Variants in FHIT observed in about 807,000 individuals in gnomAD.
The protein encoded by FHIT is bis(5'-adenosyl)-triphosphatase.
A neutral mutation model predicts 17.9 loss-of-function variants in FHIT; 19 were observed. The ratio of observed to expected loss-of-function variants is 1.06; its 90% CI spans 0.74 to 1.56. The LOEUF (loss-of-function observed/expected upper bound fraction) is 1.56, where lower values mean the gene tolerates loss of function less well. Among genes scored for constraint, FHIT ranks in the 40% most tolerant of loss-of-function variants. The pLI is 0.00. For synonymous variants in FHIT, 81 were observed against 69.7 expected, an observed-to-expected ratio of 1.16 and a Z score of -0.81; for missense variants, 248 against 189.2, an observed-to-expected ratio of 1.31 and a Z score of -1.82.
chr3:61,079,164 A>G (rs751933164), intron 2 of FHIT, among the ~76,000 whole-genome samples: 17 of 152,232 alleles, frequency 1.1e-4, no homozygotes, highest in Non-Finnish European at 1.6e-4. Context: ...AGTTGTTTGC[A>G]GTCACAAAAG....
intron 5 of FHIT, among the ~76,000 whole-genome samples, chr3:60,309,823 C>T (rs9824783): frequency 0.14 from 21,331 of 152,042 alleles, 1,579 homozygotes; most frequent in African/African-American, 0.17. Context: ...CTCCAACTTC[C>T]TCTATCAGCT....
At chr3:60,678,600 C>A (rs782130528) in intron 4 of FHIT, among the ~76,000 whole-genome samples, 1 of 152,058 alleles carries the variant, frequency 6.6e-6, no homozygotes, top group Non-Finnish European at 1.5e-5. Flanking sequence ...AATTTCCAGG[C>A]CTTATCCTGA....
intron 5 of FHIT, among the ~76,000 whole-genome samples, chr3:60,087,959 TA>T (rs1397601620): frequency 1.2e-4 from 18 of 152,304 alleles, no homozygotes; most frequent in African/African-American, 4.3e-4. Context: ...GTGTAATTTA[TA>T]AATAAAAGGA....
chr3:61,203,685 C>CAATAAAG (rs1424880687), intron 1 of FHIT, among the ~76,000 whole-genome samples: 3 of 151,994 alleles, frequency 2.0e-5, no homozygotes, highest in Non-Finnish European at 4.4e-5. Flanking sequence ...TAGCATTTGC[C>CAATAAAG]AATAAAGTGA....
intron 8 of FHIT, among the ~76,000 whole-genome samples, chr3:59,869,366 T>C (rs1335677292): frequency 2.6e-5 from 4 of 152,114 alleles, no homozygotes; most frequent in Admixed American, 2.6e-4. Flanking sequence ...AGGTGATACA[T>C]TTCCCAATTT....
chr3:60,743,788 G>C (rs1182156666), intron 4 of FHIT, among the ~76,000 whole-genome samples: 7 of 152,154 alleles, frequency 4.6e-5, no homozygotes, highest in African/African-American at 1.4e-4. Context: ...ACAGGTCCAG[G>C]GGACCAGAAC....
intron 3 of FHIT, among the ~76,000 whole-genome samples, chr3:60,886,417 A>C (rs556825509): frequency 6.6e-6 from 1 of 152,366 alleles, no homozygotes; most frequent in African/African-American, 2.4e-5. Context: ...ATATGTCATT[A>C]TCATCAGAAG....
chr3:61,138,824 C>T (rs753439780), intron 2 of FHIT, among the ~76,000 whole-genome samples: 17 of 152,186 alleles, frequency 1.1e-4, no homozygotes, highest in Non-Finnish European at 2.2e-4. Flanking sequence ...AACATAGACA[C>T]AGCATCCAAT....
At chr3:59,775,836 C>G (rs1184242147) in intron 8 of FHIT, among the ~76,000 whole-genome samples, 1 of 152,144 alleles carries the variant, frequency 6.6e-6, no homozygotes, top group Non-Finnish European at 1.5e-5. Context: ...ATGGATGGTA[C>G]AGAAAGGAGA....
At chr3:59,933,230 C>A (rs1016416124) in intron 7 of FHIT, among the ~76,000 whole-genome samples, 3 of 152,088 alleles carry the variant, frequency 2.0e-5, no homozygotes. Flanking sequence ...CAAATTCAGT[C>A]CTCTTCTTCT....
At position 60,906,200 on chromosome 3, in the gene FHIT, T is replaced by C. The variant is rs1553764508; in HGVS notation, c.-110-84189A>G. On this transcript the variant is annotated intron_variant, in intron 3 of 9. Coordinates refer to ENST00000492590, the MANE Select transcript of FHIT (RefSeq NM_002012.4). Reference sequence around the variant, plus strand: ...TAAATCTTGAACTTTACTTAATAGATTGATTGTCAGGAGGGGTATTGATAT... The same window carrying C: ...TAAATCTTGAACTTTACTTAATAGACTGATTGTCAGGAGGGGTATTGATAT... Among the ~76,000 whole-genome samples the C allele has an allele frequency of 3.3e-5, 5 of 152,286 alleles. No homozygotes were observed. The South Asian group carries it at 1.0e-3, about 32-fold the overall frequency.
intron 5 of FHIT, among the ~76,000 whole-genome samples, chr3:60,438,980 G>C (rs1313977006): frequency 6.6e-6 from 1 of 152,120 alleles, no homozygotes; most frequent in Non-Finnish European, 1.5e-5. Context: ...GAAATATGCG[G>C]AAGAAAATAG....
intron 5 of FHIT, among the ~76,000 whole-genome samples, chr3:60,427,339 G>A (rs1702710593): frequency 6.6e-6 from 1 of 151,956 alleles, no homozygotes; most frequent in Admixed American, 6.6e-5. Context: ...AGACAGCTCG[G>A]AACTGGGTAT....
At chr3:60,852,348 T>A (rs1049823654) in intron 3 of FHIT, among the ~76,000 whole-genome samples, 1 of 152,088 alleles carries the variant, frequency 6.6e-6, no homozygotes, top group Non-Finnish European at 1.5e-5. Flanking sequence ...GCCTCCATAG[T>A]CACAAGAGCC....
intron 8 of FHIT, among the ~76,000 whole-genome samples, chr3:59,821,756 A>T (rs2086977): frequency 0.65 from 96,615 of 149,686 alleles, 31,022 homozygotes; most frequent in Middle Eastern, 0.76. Context: ...GTTTTTTTTT[A>T]AAAAAAATAT....
At chr3:60,335,824 A>G (rs1272324333) in intron 5 of FHIT, among the ~76,000 whole-genome samples, 1 of 151,930 alleles carries the variant, frequency 6.6e-6, no homozygotes, top group East Asian at 1.9e-4. Flanking sequence ...CCTACTTTCT[A>G]TTAGACAGTG....
intron 5 of FHIT, among the ~76,000 whole-genome samples, chr3:60,206,627 C>T (rs1033181136): frequency 2.0e-5 from 3 of 152,128 alleles, no homozygotes; most frequent in Non-Finnish European, 2.9e-5. Flanking sequence ...GAATGCAGGA[C>T]CCCTTGTATG....
intron 3 of FHIT, among the ~76,000 whole-genome samples, chr3:60,980,092 C>A (rs1044361345): frequency 2.0e-5 from 3 of 152,184 alleles, no homozygotes; most frequent in Non-Finnish European, 4.4e-5. Flanking sequence ...AACTGAAATG[C>A]ACTGAGCGTC....
intron 7 of FHIT, among the ~76,000 whole-genome samples, chr3:59,986,610 CATATATGTCTAGG>C (rs1708940180): frequency 1.5e-5 from 1 of 64,836 alleles, no homozygotes; most frequent in Non-Finnish European, 2.6e-5. Flanking sequence ...TATATGTGTA[CATATATGTCTAGG>C]ATTTACTATA....
Sources: allele counts gnomAD v4.1 joint callset (sites outside exome capture counted in the v4.1 genomes callset), GRCh38; gene constraint gnomAD v4.1.1; transcripts MANE v1.5; gene names NCBI Gene and HGNC (gene_info 2026-07-23, HGNC 2026-07-21).